LARS2: variants seen among roughly 807,000 people sequenced by gnomAD.
The protein encoded by LARS2 is leucine--tRNA ligase, mitochondrial.
A neutral mutation model predicts 116.6 loss-of-function variants in LARS2; 81 were observed. That is an observed-to-expected ratio of 0.69 (90% CI 0.58 to 0.84). The LOEUF is 0.84. Ranked by LOEUF, LARS2 falls within the 40% of genes least tolerant of loss-of-function variation. The pLI is 0.00. For missense variants in LARS2, 968 were observed against 1,114.5 expected, an observed-to-expected ratio of 0.87 and a Z score of 1.87; for synonymous variants, 396 against 407.2, an observed-to-expected ratio of 0.97 and a Z score of 0.33.
At chr3:45,401,896 A>G (rs1698160731) in intron 4 of LARS2, among the ~76,000 whole-genome samples, 2 of 152,190 alleles carry the variant, frequency 1.3e-5, no homozygotes, top group African/African-American at 4.8e-5. Flanking sequence ...GATTATAGAT[A>G]TGAGCTACCG....
At position 45,434,622 on chromosome 3, in the gene LARS2, GT is replaced by G. The variant is rs143759312; in HGVS notation, c.517-12265del. Among the ~76,000 whole-genome samples the G allele has an allele frequency of 6.6e-3, 1,001 of 152,282 alleles. 12 individuals are homozygous for G. Among genetic ancestry groups the G allele is most frequent in the African/African-American group, 0.023 (945 of 41,562 alleles). ...TCGCATTCAGTTTGAAATCTTCCTGGTTTTAGGTATGGCTAATGATTTTCTA... is the reference window on the plus strand; with the variant it reads ...TCGCATTCAGTTTGAAATCTTCCTGGTTTAGGTATGGCTAATGATTTTCTA... On this transcript the variant is annotated intron_variant, in intron 6 of 21. Transcript: ENST00000645846.
chr3:45,520,907 G>T (rs543212745), intron 19 of LARS2, among the ~76,000 whole-genome samples: 2 of 152,292 alleles, frequency 1.3e-5, no homozygotes, highest in Non-Finnish European at 2.9e-5. Flanking sequence ...ATCAGTGGGG[G>T]CCAGGCACAG....
At chr3:45,521,579 A>G (rs1444339274) in intron 19 of LARS2, among the ~76,000 whole-genome samples, 1 of 152,220 alleles carries the variant, frequency 6.6e-6, no homozygotes, top group African/African-American at 2.4e-5. Flanking sequence ...CAGAAGGTTA[A>G]TATCCTTGTA....
At chr3:45,489,601 C>T (rs1699876034) in intron 12 of LARS2, among the ~76,000 whole-genome samples, 1 of 152,098 alleles carries the variant, frequency 6.6e-6, no homozygotes, top group Non-Finnish European at 1.5e-5. Flanking sequence ...GGTCCCTGGA[C>T]CAGCAGTACT....
At chr3:45,466,694 C>T (rs1043877686) in intron 8 of LARS2, among the ~76,000 whole-genome samples, 3 of 151,966 alleles carry the variant, frequency 2.0e-5, no homozygotes, top group African/African-American at 7.3e-5. Flanking sequence ...ACTTGGGTCT[C>T]CTCAGTCCCA....
At position 45,513,246 on chromosome 3, in the gene LARS2, C is replaced by T. The variant is rs2125750782; in HGVS notation, c.1861+11C>T. 4 of 1,510,820 alleles carry T rather than the reference C, an allele frequency of 2.6e-6. No homozygotes were observed. The East Asian group carries it at 9.0e-5, about 34-fold the overall frequency. 93.6% of individuals were successfully genotyped at this position (1,510,820 alleles called of 1,614,324 possible). On this transcript the variant is annotated intron_variant, in intron 16 of 21. Coordinates refer to ENST00000645846, the MANE Select transcript of LARS2 (RefSeq NM_015340.4). ...AAGTGGATCTCACAGGTAAGAATGG[C>T]CCATCTGGTCCCATCCAGGTACTCC...
intron 20 of LARS2, among the ~76,000 whole-genome samples, chr3:45,531,451 TA>T (rs1700612727): frequency 1.3e-5 from 2 of 152,142 alleles, no homozygotes; most frequent in Admixed American, 1.3e-4. Flanking sequence ...AATCTGGGCT[TA>T]TTGCAGCCTT....
chr3:45,449,092 G>A (rs1699069090), intron 7 of LARS2, among the ~76,000 whole-genome samples: 1 of 151,926 alleles, frequency 6.6e-6, no homozygotes, highest in African/African-American at 2.4e-5. Flanking sequence ...TCCTACGGTA[G>A]AAGGTGAGAG....
chr3:45,531,487 C>G (rs2624665), intron 20 of LARS2, among the ~76,000 whole-genome samples: 2 of 151,702 alleles, frequency 1.3e-5, no homozygotes, highest in Admixed American at 6.6e-5. Flanking sequence ...AAGCAGACCT[C>G]GTGCCTCAGC....
chr3:45,535,623 G>T (rs1262597041), intron 20 of LARS2, among the ~76,000 whole-genome samples: 1 of 152,098 alleles, frequency 6.6e-6, no homozygotes, highest in Non-Finnish European at 1.5e-5. Context: ...CATGGGTTAG[G>T]AGTTGTGGGT....
chr3:45,435,095 C>G (rs565789153), intron 6 of LARS2, among the ~76,000 whole-genome samples: 1 of 152,138 alleles, frequency 6.6e-6, no homozygotes. Flanking sequence ...AATATAAGGG[C>G]TGTTTGTTAG....
chr3:45,509,287 A>G (rs922310606), intron 15 of LARS2: 3 of 152,152 alleles, frequency 2.0e-5, no homozygotes, highest in Non-Finnish European at 4.4e-5. Context: ...ACTCAGTTGC[A>G]TACGCAAGTC....
In LARS2 at chr3:45,491,681, C is replaced by A. The variant is rs1455200014; in HGVS notation, c.1404C>A (p.Gly468=). ...PIPIVHCPVC[G]PTPVPLEDLP... is the part of the protein sequence containing the mutation. ...CCATTGTCCACTGCCCAGTCTGTGGCCCCACACCTGTGCCCCTGGAGGACT... is the reference window on the plus strand; with the variant it reads ...CCATTGTCCACTGCCCAGTCTGTGGACCCACACCTGTGCCCCTGGAGGACT... The change falls in exon 13 of 22, where the codon GGC becomes GGA. Residue 468 remains glycine, a synonymous_variant. Transcript: ENST00000645846. The A allele has an allele frequency of 6.2e-6, 10 of 1,614,068 alleles. No individual in the cohort carries two copies. The highest frequency in any genetic ancestry group is 8.5e-6 in the Non-Finnish European group (10 of 1,180,024).
At chr3:45,485,280 A>T (rs1003264984) in intron 10 of LARS2, among the ~76,000 whole-genome samples, 1 of 151,802 alleles carries the variant, frequency 6.6e-6, no homozygotes, top group Non-Finnish European at 1.5e-5. Context: ...CTGCTCAGTC[A>T]TTTTCTACTC....
At chr3:45,390,403 C>T (rs999279452) in intron 1 of LARS2, among the ~76,000 whole-genome samples, 4 of 151,992 alleles carry the variant, frequency 2.6e-5, no homozygotes, top group Middle Eastern at 3.4e-3. Flanking sequence ...AGCTCCGCCT[C>T]CTGGGTTCAC....
intron 10 of LARS2, among the ~76,000 whole-genome samples, chr3:45,485,165 A>T (rs150776409): frequency 6.0e-4 from 92 of 152,174 alleles, no homozygotes; most frequent in African/African-American, 2.0e-3. Flanking sequence ...TTCTTGATTT[A>T]CCCCTTCATT....
At chr3:45,413,774 G>T (rs1336441255) in intron 4 of LARS2, among the ~76,000 whole-genome samples, 1 of 152,220 alleles carries the variant, frequency 6.6e-6, no homozygotes, top group Admixed American at 6.5e-5. Flanking sequence ...ACTGGAAGGG[G>T]TATGCCTGTT....
intron 20 of LARS2, among the ~76,000 whole-genome samples, chr3:45,536,905 C>G (rs965498473): frequency 6.6e-6 from 1 of 152,072 alleles, no homozygotes; most frequent in Admixed American, 6.5e-5. Flanking sequence ...ATTTTTTGCT[C>G]TTACTGTTCT....
At chr3:45,498,148 A>G (rs533081078) in intron 14 of LARS2, among the ~76,000 whole-genome samples, 1 of 152,308 alleles carries the variant, frequency 6.6e-6, no homozygotes, top group South Asian at 2.1e-4. Context: ...GAGTGCTTCA[A>G]AGGAAAGCCT....
Sources: gnomAD v4.1 joint callset for allele counts (sites outside exome capture counted in the v4.1 genomes callset) on GRCh38, gnomAD v4.1.1 for gene constraint, MANE v1.5 for transcripts, NCBI Gene and HGNC (gene_info 2026-07-23, HGNC 2026-07-21) for gene names.